The following KCNK2 variants were observed in gnomAD, a reference collection of about 807,000 sequenced individuals.
KCNK2 encodes the protein potassium channel subfamily K member 2.
KCNK2 carries 21 observed loss-of-function variants against 40.5 expected under a neutral mutation model. The observed-to-expected ratio is 0.52, with a 90% confidence interval of 0.37 to 0.75. The LOEUF (loss-of-function observed/expected upper bound fraction) is 0.75. Among genes scored for constraint, KCNK2 ranks in the 30% least tolerant of loss-of-function variants. KCNK2 has a pLI of 0.00. For synonymous variants in KCNK2, 191 were observed against 202.2 expected (o/e 0.94, Z 0.47); for missense variants, 399 against 531.6 (o/e 0.75, Z 2.45).
At chr1:215,090,434 T>C (rs1315762768) in intron 2 of KCNK2, among the ~76,000 whole-genome samples, 12 of 152,248 alleles carry the variant, frequency 7.9e-5, no homozygotes, top group Admixed American at 7.8e-4. Context: ...TAAAGTTTCC[T>C]GTTATTCCAT....
At chr1:215,101,925 T>C (rs1468130622) in intron 2 of KCNK2, among the ~76,000 whole-genome samples, 1 of 152,068 alleles carries the variant, frequency 6.6e-6, no homozygotes, top group East Asian at 1.9e-4. Flanking sequence ...GTTACCGGTT[T>C]GTGTATTCAC....
At chr1:215,100,423 T>C (rs1453016768) in intron 2 of KCNK2, among the ~76,000 whole-genome samples, 1 of 151,986 alleles carries the variant, frequency 6.6e-6, no homozygotes. Flanking sequence ...AAATTATGTT[T>C]AGTGGGCAGC....
chr1:215,122,328 G>T (rs1278166136), intron 2 of KCNK2, among the ~76,000 whole-genome samples: 2 of 152,008 alleles, frequency 1.3e-5, no homozygotes, highest in East Asian at 1.9e-4. Flanking sequence ...AAAAATTTTT[G>T]TAAGATTTAA....
At chr1:215,043,762 C>G (rs983415789) in intron 1 of KCNK2, among the ~76,000 whole-genome samples, 2 of 152,058 alleles carry the variant, frequency 1.3e-5, no homozygotes, top group East Asian at 1.9e-4. Context: ...ATGCCATATA[C>G]TGTATACTTA....
At chr1:215,179,478 T>A (rs1375484642) in intron 5 of KCNK2, among the ~76,000 whole-genome samples, 1 of 152,102 alleles carries the variant, frequency 6.6e-6, no homozygotes, top group Non-Finnish European at 1.5e-5. Flanking sequence ...TAATTTGAGA[T>A]CTTTCTAACT....
chr1:215,181,717 C>A (rs1230262846), intron 5 of KCNK2, among the ~76,000 whole-genome samples: 1 of 152,140 alleles, frequency 6.6e-6, no homozygotes, highest in Non-Finnish European at 1.5e-5. Flanking sequence ...CAGTAGATGG[C>A]ACTTATGGGT....
At chr1:215,012,889 T>C (rs1265654364) in intron 1 of KCNK2, among the ~76,000 whole-genome samples, 2 of 152,064 alleles carry the variant, frequency 1.3e-5, no homozygotes, top group Non-Finnish European at 2.9e-5. Flanking sequence ...TAAAGAACAA[T>C]TGATGAACTT....
At chr1:215,014,000 T>C (rs1320107536) in intron 1 of KCNK2, among the ~76,000 whole-genome samples, 5 of 152,196 alleles carry the variant, frequency 3.3e-5, no homozygotes, top group South Asian at 4.1e-4. Context: ...CTTATATTGG[T>C]GGGAAAAGAT....
chr1:215,056,713 C>T (rs11120478), intron 1 of KCNK2, among the ~76,000 whole-genome samples: 130,929 of 148,766 alleles, frequency 0.88, 59,240 homozygotes, highest in Non-Finnish European at 0.99. Context: ...GCCTCAGCCT[C>T]CTGAAGTGTT....
At chr1:215,056,499 CAAA>C (rs376076606) in intron 1 of KCNK2, among the ~76,000 whole-genome samples, 166 of 55,170 alleles carry the variant, frequency 3.0e-3, no homozygotes, top group Non-Finnish European at 4.1e-3. Context: ...GACTCAGTCT[CAAA>C]AAAAAAAAAA....
chr1:215,146,225 A>G (rs1662406348), intron 3 of KCNK2, among the ~76,000 whole-genome samples: 1 of 152,152 alleles, frequency 6.6e-6, no homozygotes, highest in African/African-American at 2.4e-5. Flanking sequence ...GTAGATTATT[A>G]TTGTTCTTTG....
In KCNK2 at chr1:215,109,127, G is replaced by A. The variant is rs115346299; in HGVS notation, c.358-15506G>A. Among the ~76,000 whole-genome samples, 823 of 135,474 alleles carry A rather than the reference G, an allele frequency of 6.1e-3. 3 individuals carry two copies. The highest frequency in any genetic ancestry group is 0.033 in the Middle Eastern group (9 of 274). The allele number at this position is 135,474 out of a possible 152,430, so 88.9% of individuals were successfully genotyped here. A position where few individuals can be genotyped will look rare whatever the true frequency, so the allele number is the denominator to read the frequency against. On this transcript the variant is annotated intron_variant, in intron 2 of 6. Transcript: ENST00000444842. Reference sequence around the variant, plus strand: ...GAGTACATGTTAAATTTTGTTGCATGCATAGAATGTGTAATGATTAAGTCA... The same window carrying A: ...GAGTACATGTTAAATTTTGTTGCATACATAGAATGTGTAATGATTAAGTCA...
At chr1:215,119,685 A>G (rs1661094766) in intron 2 of KCNK2, among the ~76,000 whole-genome samples, 1 of 152,196 alleles carries the variant, frequency 6.6e-6, no homozygotes, top group Admixed American at 6.5e-5. Flanking sequence ...GATGAAATAT[A>G]TAGGATTCCA....
chr1:215,031,603 G>T (rs374808470), intron 1 of KCNK2, among the ~76,000 whole-genome samples: 1 of 152,074 alleles, frequency 6.6e-6, no homozygotes, highest in Non-Finnish European at 1.5e-5. Flanking sequence ...TTGGCATAAT[G>T]CAAATTCTTC....
At chr1:215,186,517 A>G (rs1186374690) in intron 5 of KCNK2, among the ~76,000 whole-genome samples, 2 of 152,222 alleles carry the variant, frequency 1.3e-5, no homozygotes, top group African/African-American at 2.4e-5. Flanking sequence ...TTTCTAATTC[A>G]TAAGTAATGT....
chr1:215,044,277 C>G (rs940196679), intron 1 of KCNK2, among the ~76,000 whole-genome samples: 2 of 151,934 alleles, frequency 1.3e-5, no homozygotes, highest in Admixed American at 1.3e-4. Flanking sequence ...AATATTATAC[C>G]CTTCTTGGTG....
At chr1:215,007,199 A>ATGTG (rs1656207273) in intron 1 of KCNK2, among the ~76,000 whole-genome samples, 4 of 53,164 alleles carry the variant, frequency 7.5e-5, no homozygotes, top group East Asian at 7.6e-4. Context: ...ATATATATAT[A>ATGTG]TATATATATA....
upstream of KCNK2, chr1:215,005,772 G>A: frequency 1.5e-6 from 1 of 674,884 alleles, no homozygotes; most frequent in Non-Finnish European, 2.7e-6. Context: ...TGATCTACAG[G>A]GTAACATTCA....
intron 3 of KCNK2, among the ~76,000 whole-genome samples, chr1:215,152,686 T>C (rs1361668967): frequency 6.6e-6 from 1 of 152,200 alleles, no homozygotes; most frequent in Non-Finnish European, 1.5e-5. Context: ...AGAAATCTTA[T>C]TGATTGCTGT....
Sources: gnomAD v4.1 joint callset for allele counts (sites outside exome capture counted in the v4.1 genomes callset) on GRCh38, gnomAD v4.1.1 for gene constraint, MANE v1.5 for transcripts, NCBI Gene and HGNC (gene_info 2026-07-23, HGNC 2026-07-21) for gene names.